The following CTNND2 variants were observed in gnomAD, a reference collection of about 807,000 sequenced individuals.
CTNND2 encodes catenin delta 2, also known as catenin delta-2.
CTNND2 carries 22 observed loss-of-function variants against 144.4 expected under a neutral mutation model. That is an observed-to-expected ratio of 0.15 (90% CI 0.11 to 0.22). The LOEUF (loss-of-function observed/expected upper bound fraction) is 0.22. Among genes scored for constraint, CTNND2 ranks in the 10% least tolerant of loss-of-function variants. The pLI is 1.00. For missense variants in CTNND2, 1,353 were observed against 1,618.8 expected (o/e 0.84, Z 2.82); for synonymous variants, 751 against 695.6 (o/e 1.08, Z -1.25).
rs534225853 is a variant in CTNND2, at chr5:11,757,490, G to T, written c.38-25218C>A. ...AGAATAAATTCCTAGAAATGAATTTGCTGTGTCTAAGAATACAAACATCTT... is the reference window on the plus strand; with the variant it reads ...AGAATAAATTCCTAGAAATGAATTTTCTGTGTCTAAGAATACAAACATCTT... On this transcript the variant is annotated intron_variant, in intron 1 of 21. Coordinates refer to ENST00000304623, the MANE Select transcript of CTNND2 (RefSeq NM_001332.4). Among the ~76,000 whole-genome samples the T allele has an allele frequency of 2.0e-5, 3 of 151,900 alleles. No homozygotes were observed. The East Asian group carries it at 5.8e-4, about 29-fold the overall frequency.
At chr5:11,623,203 T>A (rs534207375) in intron 2 of CTNND2, among the ~76,000 whole-genome samples, 1 of 152,266 alleles carries the variant, frequency 6.6e-6, no homozygotes, top group Non-Finnish European at 1.5e-5. Context: ...TTGCTTTATT[T>A]TCATTTTCTT....
At chr5:11,580,165 A>G (rs960167508) in intron 2 of CTNND2, among the ~76,000 whole-genome samples, 1 of 152,016 alleles carries the variant, frequency 6.6e-6, no homozygotes, top group Non-Finnish European at 1.5e-5. Context: ...CTTTTCCCAC[A>G]GTGGACTGAC....
chr5:11,216,220 G>GC (rs967888424), intron 10 of CTNND2, among the ~76,000 whole-genome samples: 72 of 152,170 alleles, frequency 4.7e-4, no homozygotes, highest in African/African-American at 1.4e-3. Flanking sequence ...GCAGAACAAT[G>GC]CCCCCCCACC....
chr5:11,614,870 C>T (rs1225306998), intron 2 of CTNND2, among the ~76,000 whole-genome samples: 1 of 152,190 alleles, frequency 6.6e-6, no homozygotes, highest in East Asian at 1.9e-4. Context: ...CTCATTTCCA[C>T]ATCTCTGGAG....
At chr5:11,614,934 C>T (rs936211425) in intron 2 of CTNND2, among the ~76,000 whole-genome samples, 4 of 152,134 alleles carry the variant, frequency 2.6e-5, no homozygotes, top group African/African-American at 9.7e-5. Context: ...AATGAATATA[C>T]ATATAGCAAT....
intron 12 of CTNND2, among the ~76,000 whole-genome samples, chr5:11,143,549 A>T (rs561486701): frequency 4.1e-4 from 62 of 152,218 alleles, no homozygotes; most frequent in South Asian, 1.0e-3. Context: ...TTTGTGTCCA[A>T]ATTTCCCATT....
At chr5:11,436,298 C>G (rs138938001) in intron 3 of CTNND2, among the ~76,000 whole-genome samples, 9 of 152,176 alleles carry the variant, frequency 5.9e-5, no homozygotes, top group Non-Finnish European at 1.2e-4. Flanking sequence ...ATCTCACTAT[C>G]CCTGGAAGTA....
At chr5:11,518,050 A>G (rs1772351258) in intron 3 of CTNND2, among the ~76,000 whole-genome samples, 1 of 152,142 alleles carries the variant, frequency 6.6e-6, no homozygotes, top group Admixed American at 6.6e-5. Flanking sequence ...ATGTTGCCAA[A>G]GGGCACAAAG....
intron 2 of CTNND2, among the ~76,000 whole-genome samples, chr5:11,607,963 C>T (rs1363473184): frequency 2.0e-5 from 3 of 152,104 alleles, no homozygotes; most frequent in African/African-American, 7.2e-5. Context: ...GGGGAAAATC[C>T]TCTTATAAAA....
At chr5:11,778,803 T>C (rs2126842611) in intron 1 of CTNND2, among the ~76,000 whole-genome samples, 1 of 152,336 alleles carries the variant, frequency 6.6e-6, no homozygotes, top group East Asian at 1.9e-4. Context: ...ATTGGATCAT[T>C]AATCATGCCA....
chr5:11,732,408 A>G, intron 1 of CTNND2, 136 bp from the exon 2 acceptor site: 3 of 733,706 alleles, frequency 4.1e-6, no homozygotes, highest in Non-Finnish European at 2.2e-6. Flanking sequence ...ACATAATTAT[A>G]GAACGGGAGT....
At chr5:11,777,778 T>TA (rs1398427725) in intron 1 of CTNND2, among the ~76,000 whole-genome samples, 2 of 152,140 alleles carry the variant, frequency 1.3e-5, no homozygotes, top group Non-Finnish European at 1.5e-5. Context: ...GGAGAACTGG[T>TA]AAAAAATACA....
At chr5:11,214,322 A>T (rs1388919438) in intron 10 of CTNND2, among the ~76,000 whole-genome samples, 2 of 152,198 alleles carry the variant, frequency 1.3e-5, no homozygotes, top group Non-Finnish European at 2.9e-5. Context: ...CTGATTTTCT[A>T]ATTTTGCATT....
intron 18 of CTNND2, among the ~76,000 whole-genome samples, chr5:10,996,002 CG>C (rs1739301367): frequency 6.6e-6 from 1 of 151,904 alleles, no homozygotes; most frequent in African/African-American, 2.4e-5. Context: ...AGGAAGGGGA[CG>C]GGGATGTGGA....
intron 2 of CTNND2, among the ~76,000 whole-genome samples, chr5:11,595,168 T>C (rs1421269437): frequency 6.6e-6 from 1 of 152,094 alleles, no homozygotes; most frequent in African/African-American, 2.4e-5. Flanking sequence ...CTGAAATGGA[T>C]TGCAGGAGGT....
At chr5:11,487,666 C>A (rs1172162002) in intron 3 of CTNND2, among the ~76,000 whole-genome samples, 1 of 152,068 alleles carries the variant, frequency 6.6e-6, no homozygotes, top group East Asian at 1.9e-4. Flanking sequence ...ATAATTAAAT[C>A]ATTTATATTA....
rs114514779 is a variant in CTNND2, at chr5:11,770,473, T to A, written c.38-38201A>T. Among the ~76,000 whole-genome samples the A allele has an allele frequency of 2.4e-3, 324 of 136,080 alleles. 1 individual carries two copies. Among genetic ancestry groups the A allele is most frequent in the African/African-American group, 8.9e-3 (300 of 33,548 alleles). 89.3% of individuals were successfully genotyped at this position (136,080 alleles called of 152,430 possible). A position where few individuals can be genotyped will look rare whatever the true frequency, so the allele number is the denominator to read the frequency against. On this transcript the variant is annotated intron_variant, in intron 1 of 21. Transcript: ENST00000304623. The stretch of plus-strand genomic sequence containing the variant: ...GAAGGAAGGAAGGAAGGGGTAGGGG[T>A]AGGGGAAGGGGAAGGAAGACTGTTC...
chr5:11,864,791 C>T (rs1475786181), intron 1 of CTNND2, among the ~76,000 whole-genome samples: 1 of 151,842 alleles, frequency 6.6e-6, no homozygotes, highest in Non-Finnish European at 1.5e-5. Flanking sequence ...CAGTGTCCCT[C>T]AGGTGGCAAA....
chr5:11,771,191 G>GTTTTTT, intron 1 of CTNND2, among the ~76,000 whole-genome samples: 2 of 17,994 alleles, frequency 1.1e-4, no homozygotes, highest in African/African-American at 1.3e-4. Flanking sequence ...CACATTGTTA[G>GTTTTTT]CTTTTTTTTT....
Sources: gnomAD v4.1 joint callset for allele counts (sites outside exome capture counted in the v4.1 genomes callset) on GRCh38, gnomAD v4.1.1 for gene constraint, MANE v1.5 for transcripts, NCBI Gene and HGNC (gene_info 2026-07-23, HGNC 2026-07-21) for gene names.